The following PRKRA variants were observed in gnomAD, a reference collection of about 807,000 sequenced individuals.
PRKRA encodes interferon-inducible double-stranded RNA-dependent protein kinase activator A.
Under a neutral mutation model 32.4 loss-of-function variants are expected in PRKRA, and 22 were observed. The ratio of observed to expected loss-of-function variants is 0.68; its 90% CI spans 0.49 to 0.97. The LOEUF is 0.97. Among genes scored for constraint, PRKRA ranks in the 50% least tolerant of loss-of-function variants. PRKRA has a pLI of 0.00. For synonymous variants in PRKRA, 139 were observed against 129.8 expected (o/e 1.07, Z -0.48); for missense variants, 319 against 375.6 (o/e 0.85, Z 1.25).
At chr2:178,445,097 T>C (rs1697266123) in intron 3 of PRKRA, among the ~76,000 whole-genome samples, 1 of 152,250 alleles carries the variant, frequency 6.6e-6, no homozygotes, top group Non-Finnish European at 1.5e-5. Context: ...TGATCTATCA[T>C]CTGCTCAGTG....
intron 2 of PRKRA, among the ~76,000 whole-genome samples, chr2:178,448,431 A>G (rs1697400988): frequency 6.6e-6 from 1 of 152,170 alleles, no homozygotes; most frequent in Admixed American, 6.5e-5. Context: ...TGCCCTCAAG[A>G]GCCAACAGAG....
intron 7 of PRKRA, among the ~76,000 whole-genome samples, chr2:178,433,046 A>ATACTC (rs2154124533): frequency 1.3e-5 from 2 of 152,324 alleles, no homozygotes; most frequent in African/African-American, 4.8e-5. Context: ...GTTATTTTTG[A>ATACTC]TACTCTATTT....
chr2:178,433,256 A>G (rs1696744284), intron 7 of PRKRA: 1 of 152,190 alleles, frequency 6.6e-6, no homozygotes, highest in South Asian at 2.1e-4. Flanking sequence ...TTATCCACTT[A>G]TTCACTGATG....
In PRKRA at chr2:178,432,247, C is replaced by G. The variant is rs750650286; in HGVS notation, c.792G>C (p.Leu264=). The G allele has an allele frequency of 5.6e-6, 9 of 1,614,128 alleles. No individual in the cohort carries two copies. Among genetic ancestry groups the G allele is most frequent in the Admixed American group, 1.7e-5 (1 of 60,012 alleles). The change falls in exon 8 of 8, where the codon CTG becomes CTC. Residue 264 remains leucine, a synonymous_variant. Coordinates refer to ENST00000325748, the MANE Select transcript of PRKRA (RefSeq NM_003690.5). ...FNITYLDIDE[L]SANGQYQCLA... Reference sequence around the variant, plus strand: ...GACATTGATATTGTCCATTGGCGCTCAGTTCATCTGTAATGACACATTCAA... The same window carrying G: ...GACATTGATATTGTCCATTGGCGCTGAGTTCATCTGTAATGACACATTCAA...
intron 7 of PRKRA, among the ~76,000 whole-genome samples, chr2:178,435,228 A>G (rs565614913): frequency 1.3e-5 from 2 of 151,672 alleles, no homozygotes; most frequent in East Asian, 3.9e-4. Flanking sequence ...GGGAAAAAAA[A>G]AAAAATTAGC....
rs766941533 is a variant in PRKRA at position 178,444,469 on chromosome 2, G to T, written c.349C>A (p.Pro117Thr). The T allele has an allele frequency of 1.2e-6, 2 of 1,606,724 alleles. No individual in the cohort carries two copies. Among genetic ancestry groups the T allele is most frequent in the African/African-American group, 1.3e-5 (1 of 74,564 alleles). Residue 117 changes from proline (P) to threonine (T), a missense_variant, in exon 4 of 8, where the codon CCT becomes ACT. Physicochemically the swap from Pro to Thr is conservative, Grantham distance 38 (BLOSUM62 -1). Transcript: ENST00000325748. ...FAVPDPLMPD[P>T]SKQPKNQLNP... Reference sequence around the variant, plus strand: ...AGCTGGTTCTTTGGTTGCTTGGAAGGGTCAGGCATTAAGGGGTCAGGAACT... The same window carrying T: ...AGCTGGTTCTTTGGTTGCTTGGAAGTGTCAGGCATTAAGGGGTCAGGAACT...
chr2:178,448,592 A>G (rs2154125462), intron 2 of PRKRA, among the ~76,000 whole-genome samples: 1 of 147,424 alleles, frequency 6.8e-6, no homozygotes, highest in East Asian at 2.0e-4. Flanking sequence ...ACCCTGTCTC[A>G]AAAAAAAAAG....
intron 2 of PRKRA, among the ~76,000 whole-genome samples, chr2:178,448,093 G>T (rs574774265): frequency 6.6e-6 from 1 of 151,774 alleles, no homozygotes; most frequent in South Asian, 2.1e-4. Context: ...GCTTTGCTAG[G>T]CTGAGCAGTC....
At chr2:178,442,775 G>A (rs1030957099) in intron 5 of PRKRA, among the ~76,000 whole-genome samples, 6 of 152,274 alleles carry the variant, frequency 3.9e-5, no homozygotes, top group South Asian at 2.1e-4. Flanking sequence ...AAGTGACAGC[G>A]TTTCTTATAG....
chr2:178,436,106 A>C, intron 7 of PRKRA, 39 bp downstream of exon 7: 1 of 878,794 alleles, frequency 1.1e-6, no homozygotes, highest in Non-Finnish European at 1.6e-6. Context: ...ATTTTTAAAT[A>C]AACATGTCTT....
chr2:178,441,553 T>C, intron 6 of PRKRA, 57 bp downstream of exon 6: 1 of 1,050,946 alleles, frequency 9.5e-7, no homozygotes, highest in Admixed American at 2.5e-5. Context: ...CAAGGAAAGT[T>C]TCCTACTGCA....
intron 2 of PRKRA, 68 bp from the exon 3 acceptor site, chr2:178,447,654 C>A (rs1021303694): frequency 3.9e-6 from 5 of 1,270,494 alleles, no homozygotes; most frequent in African/African-American, 3.5e-5. Flanking sequence ...AAGATGTTTT[C>A]AATACACAAA....
In PRKRA at chr2:178,441,710, C is replaced by T; in HGVS notation, c.515-6G>A. The T allele has an allele frequency of 1.3e-6, 1 of 760,082 alleles. No homozygotes were observed. The highest frequency in any genetic ancestry group is 1.8e-5 in the South Asian group (1 of 54,248). 47.1% of individuals were successfully genotyped at this position (760,082 alleles called of 1,614,324 possible). On this transcript the variant is annotated splice_region_variant and splice_polypyrimidine_tract_variant and intron_variant, in intron 5 of 7. Coordinates refer to ENST00000325748, the MANE Select transcript of PRKRA (RefSeq NM_003690.5). Reference sequence around the variant, plus strand: ...CTTTTTTGATGCCCCCTTTCCTGAACAAAGAAAAAGAAATGGTAGATTTAG... The same window carrying T: ...CTTTTTTGATGCCCCCTTTCCTGAATAAAGAAAAAGAAATGGTAGATTTAG...
chr2:178,442,888 A>AT, intron 5 of PRKRA, among the ~76,000 whole-genome samples: 1 of 152,282 alleles, frequency 6.6e-6, no homozygotes, highest in Non-Finnish European at 1.5e-5. Flanking sequence ...TAATCATATA[A>AT]TTTTCAAGTG....
Position 178,451,016 on chromosome 2 carries a change from C to T in PRKRA, c.15G>A (p.Arg5=). Residue 5 remains arginine, a synonymous_variant, in exon 1 of 8, where the codon AGG becomes AGA. Transcript: ENST00000325748. ...CCAGCGGCGGGGCCTCGGCGCGGTG[C>T]CTGCTCTGGGACATGGCGAGAAGGG... MSQS[R]HRAEAPPLER... 1 of 1,556,522 alleles carries T rather than the reference C, an allele frequency of 6.4e-7. No homozygotes were observed. Among genetic ancestry groups the T allele is most frequent in the South Asian group, 1.2e-5 (1 of 85,148 alleles).
At chr2:178,447,713 G>C in intron 2 of PRKRA, 127 bp from the exon 3 acceptor site, 2 of 952,628 alleles carry the variant, frequency 2.1e-6, no homozygotes, top group African/African-American at 1.7e-5. Context: ...ATAAAAATAT[G>C]TACGTTATAT....
At position 178,449,541 on chromosome 2, in the gene PRKRA, G is replaced by A. The variant is rs547108637; in HGVS notation, c.235+701C>T. On this transcript the variant is annotated intron_variant, in intron 2 of 7. Transcript: ENST00000325748. ...AAAAATAATGTCCACATTTACAAAT[G>A]AGCAACTTTAGTTATCATTTGCTCA... Among the ~76,000 whole-genome samples the A allele has an allele frequency of 9.2e-5, 14 of 152,280 alleles. No individual in the cohort carries two copies. The South Asian group carries it at 2.9e-3, about 32-fold the overall frequency.
intron 3 of PRKRA, 146 bp downstream of exon 3, chr2:178,447,359 T>C: frequency 7.2e-7 from 1 of 1,392,642 alleles, no homozygotes; most frequent in Non-Finnish European, 9.8e-7. Context: ...CTTTAATGGA[T>C]GATAAGTTTT....
chr2:178,433,646 A>G (rs1460942144), intron 7 of PRKRA: 1 of 151,870 alleles, frequency 6.6e-6, no homozygotes, highest in East Asian at 1.9e-4. Context: ...TCATTTGGTC[A>G]TTTTTCTTTT....
Sources: gnomAD v4.1 joint callset for allele counts (sites outside exome capture counted in the v4.1 genomes callset) on GRCh38, gnomAD v4.1.1 for gene constraint, MANE v1.5 for transcripts, NCBI Gene and HGNC (gene_info 2026-07-23, HGNC 2026-07-21) for gene names.